Variants in SDC2 observed in about 807,000 individuals in gnomAD.
SDC2 encodes the protein syndecan 2.
Under a neutral mutation model 22.2 loss-of-function variants are expected in SDC2, and 13 were observed. That is an observed-to-expected ratio of 0.59 (90% CI 0.38 to 0.93). The LOEUF (loss-of-function observed/expected upper bound fraction) is 0.93. SDC2 is among the 40% of genes least tolerant of loss of function. SDC2 has a pLI of 0.00. For missense variants in SDC2, 235 were observed against 246.8 expected (o/e 0.95, Z 0.32); for synonymous variants, 94 against 92.8 (o/e 1.01, Z -0.07).
intron 1 of SDC2, among the ~76,000 whole-genome samples, chr8:96,552,183 C>T (rs1814039335): frequency 6.6e-6 from 1 of 152,166 alleles, no homozygotes; most frequent in African/African-American, 2.4e-5. Flanking sequence ...AATATCTCAG[C>T]CTCCAGGTGA....
At chr8:96,589,674 G>A (rs944821855) in intron 1 of SDC2, among the ~76,000 whole-genome samples, 2 of 152,244 alleles carry the variant, frequency 1.3e-5, no homozygotes, top group Non-Finnish European at 1.5e-5. Flanking sequence ...GCCTCCCAAA[G>A]TGCTGGGATT....
intron 1 of SDC2, among the ~76,000 whole-genome samples, chr8:96,542,507 C>T (rs145993573): frequency 5.3e-5 from 8 of 152,268 alleles, no homozygotes; most frequent in Admixed American, 5.2e-4. Flanking sequence ...AGATAGTCTT[C>T]TGTTTACAGC....
At chr8:96,504,047 A>G (rs1430011813) in intron 1 of SDC2, among the ~76,000 whole-genome samples, 1 of 152,236 alleles carries the variant, frequency 6.6e-6, no homozygotes, top group African/African-American at 2.4e-5. Context: ...CAGAAAAGCA[A>G]TGCAGGTATT....
chr8:96,496,262 C>T (rs1405240018), intron 1 of SDC2, among the ~76,000 whole-genome samples: 2 of 152,320 alleles, frequency 1.3e-5, no homozygotes, highest in South Asian at 2.1e-4. Context: ...ATATACCTGT[C>T]CTCCCCGGTG....
chr8:96,579,153 G>A (rs139489322), intron 1 of SDC2, among the ~76,000 whole-genome samples: 470 of 152,252 alleles, frequency 3.1e-3, no homozygotes, highest in Non-Finnish European at 5.3e-3. Context: ...AAAGCATTAT[G>A]GGCTGTCAGT....
chr8:96,496,731 C>T (rs1259180521), intron 1 of SDC2, among the ~76,000 whole-genome samples: 1 of 152,140 alleles, frequency 6.6e-6, no homozygotes, highest in Non-Finnish European at 1.5e-5. Flanking sequence ...AGGAAAACTG[C>T]CTACAGTTAG....
At chr8:96,522,950 T>C (rs1813519512) in intron 1 of SDC2, among the ~76,000 whole-genome samples, 1 of 152,178 alleles carries the variant, frequency 6.6e-6, no homozygotes, top group Non-Finnish European at 1.5e-5. Flanking sequence ...ACCTGCTGCT[T>C]TTGCCTAGGG....
intron 1 of SDC2, among the ~76,000 whole-genome samples, chr8:96,536,306 C>CTTTTATTTTA (rs201449566): frequency 5.9e-5 from 9 of 151,882 alleles, no homozygotes; most frequent in African/African-American, 1.9e-4. Flanking sequence ...CTTGAGTACC[C>CTTTTATTTTA]TTTTATTTTA....
chr8:96,499,793 T>C (rs893518877), intron 1 of SDC2, among the ~76,000 whole-genome samples: 2 of 150,302 alleles, frequency 1.3e-5, no homozygotes, highest in African/African-American at 4.9e-5. Flanking sequence ...ATGAATGAAA[T>C]GAGGGAGCCA....
At chr8:96,573,482 A>C (rs1434264881) in intron 1 of SDC2, among the ~76,000 whole-genome samples, 1 of 151,848 alleles carries the variant, frequency 6.6e-6, no homozygotes, top group Non-Finnish European at 1.5e-5. Context: ...GAGGATTTTG[A>C]GGTCTTATCC....
chr8:96,606,188 A>T (rs1214158436), intron 3 of SDC2, among the ~76,000 whole-genome samples: 2 of 152,098 alleles, frequency 1.3e-5, no homozygotes, highest in African/African-American at 4.8e-5. Context: ...CAGTGGCACA[A>T]TTATAGCTCA....
intron 1 of SDC2, among the ~76,000 whole-genome samples, chr8:96,510,044 G>A (rs770269181): frequency 8.5e-5 from 13 of 152,158 alleles, no homozygotes; most frequent in Non-Finnish European, 1.5e-4. Context: ...TGCACACATT[G>A]CCCTTCCTGA....
chr8:96,540,336 A>G (rs1586288983), intron 1 of SDC2, among the ~76,000 whole-genome samples: 3 of 105,392 alleles, frequency 2.8e-5, no homozygotes, highest in East Asian at 3.8e-4. Context: ...TACTATATAT[A>G]TGTGTATATA....
In SDC2 at chr8:96,582,016, T is replaced by G. The variant is rs185436239; in HGVS notation, c.61-11464T>G. ...ATACTCTGCGTGAAGCATGTCAGTTTGACCGGGAGCTAATGCTTCTGCCCC... is the reference window on the plus strand; with the variant it reads ...ATACTCTGCGTGAAGCATGTCAGTTGGACCGGGAGCTAATGCTTCTGCCCC... On this transcript the variant is annotated intron_variant, in intron 1 of 4. Transcript: ENST00000302190. 2.6e-5 allele frequency among the ~76,000 whole-genome samples: 4 copies of G among 152,344 alleles called. No homozygotes were observed. The East Asian group carries it at 7.7e-4, about 29-fold the overall frequency.
intron 3 of SDC2, among the ~76,000 whole-genome samples, chr8:96,604,928 C>A (rs1221637589): frequency 6.6e-6 from 1 of 152,172 alleles, no homozygotes; most frequent in African/African-American, 2.4e-5. Flanking sequence ...TGCTTCCATA[C>A]GATAAAACAT....
intron 1 of SDC2, among the ~76,000 whole-genome samples, chr8:96,592,425 A>G (rs1485798803): frequency 6.6e-6 from 1 of 152,234 alleles, no homozygotes; most frequent in South Asian, 2.1e-4. Flanking sequence ...CAAACATTCT[A>G]TATGATTTTT....
At chr8:96,520,504 A>T (rs919386653) in intron 1 of SDC2, among the ~76,000 whole-genome samples, 1 of 152,170 alleles carries the variant, frequency 6.6e-6, no homozygotes, top group African/African-American at 2.4e-5. Context: ...GCCTCTCCTC[A>T]CATTCCCAAG....
intron 1 of SDC2, among the ~76,000 whole-genome samples, chr8:96,557,898 A>G (rs1814146045): frequency 6.6e-6 from 1 of 152,154 alleles, no homozygotes; most frequent in Non-Finnish European, 1.5e-5. Context: ...TATGCTGAGT[A>G]TTTTTGTTTT....
At position 96,584,012 on chromosome 8, in the gene SDC2, G is replaced by A. The variant is rs572312920; in HGVS notation, c.61-9468G>A. 7.2e-5 allele frequency among the ~76,000 whole-genome samples: 11 copies of A among 152,256 alleles called. No homozygotes were observed. In the South Asian group the frequency reaches 2.1e-3, roughly 29 times the overall value. ...GGGAGAAGAAACATCTGGTCAAATAGTATAAAAGATTTCATAGCTTCTTAA... is the reference window on the plus strand; with the variant it reads ...GGGAGAAGAAACATCTGGTCAAATAATATAAAAGATTTCATAGCTTCTTAA... On this transcript the variant is annotated intron_variant, in intron 1 of 4. Transcript: ENST00000302190.
Sources: allele counts gnomAD v4.1 joint callset (sites outside exome capture counted in the v4.1 genomes callset), GRCh38; gene constraint gnomAD v4.1.1; transcripts MANE v1.5; gene names NCBI Gene and HGNC (gene_info 2026-07-23, HGNC 2026-07-21).